CBFB: variants seen among roughly 807,000 people sequenced by gnomAD.
CBFB encodes CBF-beta.
In CBFB, 9 loss-of-function variants were observed where a neutral mutation model predicts 30.4. That is an observed-to-expected ratio of 0.30 (90% CI 0.18 to 0.52). CBFB has a LOEUF of 0.52. CBFB is among the 20% of genes least tolerant of loss of function. The probability of loss-of-function intolerance (pLI) is 0.97; values close to 1 mark genes in which losing one functional copy is unlikely to be tolerated. For synonymous variants in CBFB, 94 were observed against 84.0 expected (o/e 1.12, Z -0.65); for missense variants, 170 against 244.0 (o/e 0.70, Z 2.02).
intron 5 of CBFB, among the ~76,000 whole-genome samples, chr16:67,083,795 T>C (rs1471670380): frequency 2.6e-5 from 4 of 152,148 alleles, no homozygotes; most frequent in African/African-American, 9.7e-5. Flanking sequence ...AATTGTACTC[T>C]GCTTTAAACA....
chr16:67,066,852 C>T, intron 4 of CBFB, 54 bp downstream of exon 4: 2 of 1,045,504 alleles, frequency 1.9e-6, no homozygotes, highest in Admixed American at 1.8e-5. Context: ...CTAATCTTGC[C>T]TTTGCCTGGG....
intron 4 of CBFB, among the ~76,000 whole-genome samples, chr16:67,073,533 G>A (rs1236099572): frequency 6.6e-6 from 1 of 152,208 alleles, no homozygotes; most frequent in Non-Finnish European, 1.5e-5. Flanking sequence ...ATCACTTGAG[G>A]TCAGGAGTTC....
intron 3 of CBFB, among the ~76,000 whole-genome samples, chr16:67,066,393 C>CTAAAAAAAAA (rs1961054511): frequency 1.0e-5 from 1 of 96,082 alleles, no homozygotes; most frequent in Non-Finnish European, 1.9e-5. Flanking sequence ...ACTAAAAATA[C>CTAAAAAAAAA]AAAAAAAAAA....
At chr16:67,076,021 G>C (rs1389585227) in intron 4 of CBFB, among the ~76,000 whole-genome samples, 8 of 152,146 alleles carry the variant, frequency 5.3e-5, no homozygotes, top group Admixed American at 3.3e-4. Flanking sequence ...CACAAGGTCA[G>C]GAGTTCGAGA....
At chr16:67,046,329 G>A (rs752421614) in intron 3 of CBFB, among the ~76,000 whole-genome samples, 16 of 152,018 alleles carry the variant, frequency 1.1e-4, no homozygotes, top group Non-Finnish European at 2.1e-4. Flanking sequence ...TCAAACTCCT[G>A]GACTCAAGCA....
intron 3 of CBFB, among the ~76,000 whole-genome samples, chr16:67,056,426 C>T (rs945653945): frequency 5.3e-5 from 8 of 152,130 alleles, no homozygotes; most frequent in African/African-American, 9.7e-5. Context: ...AAGGAACCTA[C>T]GTCTGCATTT....
intron 4 of CBFB, among the ~76,000 whole-genome samples, chr16:67,078,198 C>A (rs1264079266): frequency 6.6e-6 from 1 of 152,138 alleles, no homozygotes; most frequent in African/African-American, 2.4e-5. Flanking sequence ...TCCATTTTAC[C>A]ATTTGTTAAA....
Position 67,057,710 on chromosome 16 carries a change from C to G in CBFB, c.283-8972C>G, listed in dbSNP as rs1461385510. Reference sequence around the variant, plus strand: ...TTAGTTATGTTAATTTTGTTCTAAACTATTCTTTTCCACATGGTTAGCCAG... The same window carrying G: ...TTAGTTATGTTAATTTTGTTCTAAAGTATTCTTTTCCACATGGTTAGCCAG... On this transcript the variant is annotated intron_variant, in intron 3 of 5. Coordinates refer to ENST00000412916, the MANE Select transcript of CBFB (RefSeq NM_022845.3). Among the ~76,000 whole-genome samples the G allele has an allele frequency of 2.6e-5, 4 of 151,952 alleles. No homozygotes were observed. The South Asian group carries it at 8.3e-4, about 32-fold the overall frequency.
chr16:67,066,433 G>C (rs979011964), intron 3 of CBFB, among the ~76,000 whole-genome samples: 2 of 147,842 alleles, frequency 1.4e-5, no homozygotes, highest in Non-Finnish European at 3.0e-5. Flanking sequence ...GATGGTGAGC[G>C]CCTGTAATCC....
In CBFB at chr16:67,092,698, C is replaced by CTTTTTTTTTTTTTTTTTTTTTTTTT. The variant is rs777213321; in HGVS notation, c.496-6004_496-5980dup. ...CCAGGCTAGGTTACAGTGGTGCAAT[C>CTTTTTTTTTTTTTTTTTTTTTTTTT]TTTTTTTTTTTTTTTTTTTTTTTTT... is the stretch of plus-strand genomic sequence containing the variant. On this transcript the variant is annotated intron_variant, in intron 5 of 5. Coordinates refer to ENST00000412916, the MANE Select transcript of CBFB (RefSeq NM_022845.3). Among the ~76,000 whole-genome samples the CTTTTTTTTTTTTTTTTTTTTTTTTT allele has an allele frequency of 9.0e-5, 3 of 33,492 alleles. 1 individual carries two copies. Among genetic ancestry groups the CTTTTTTTTTTTTTTTTTTTTTTTTT allele is most frequent in the African/African-American group, 3.5e-4 (3 of 8,688 alleles). 22.0% of individuals were successfully genotyped at this position (33,492 alleles called of 152,430 possible). A position where few individuals can be genotyped will look rare whatever the true frequency, so the allele number is the denominator to read the frequency against.
At chr16:67,089,505 CAG>C (rs1354174444) in intron 5 of CBFB, among the ~76,000 whole-genome samples, 1 of 152,076 alleles carries the variant, frequency 6.6e-6, no homozygotes, top group South Asian at 2.1e-4. Context: ...ATAATGAAAA[CAG>C]AAGATTCTAG....
At chr16:67,044,906 A>G (rs1966595819) in intron 3 of CBFB, among the ~76,000 whole-genome samples, 1 of 152,234 alleles carries the variant, frequency 6.6e-6, no homozygotes, top group East Asian at 1.9e-4. Context: ...AAGAGAAATT[A>G]GACAACTTTA....
At chr16:67,063,369 C>T (rs1268965572) in intron 3 of CBFB, among the ~76,000 whole-genome samples, 1 of 152,128 alleles carries the variant, frequency 6.6e-6, no homozygotes, top group Non-Finnish European at 1.5e-5. Flanking sequence ...TATTGCAGCC[C>T]TTAGCAGAAA....
At chr16:67,078,768 G>C (rs914007816) in intron 4 of CBFB, among the ~76,000 whole-genome samples, 1 of 152,130 alleles carries the variant, frequency 6.6e-6, no homozygotes, top group African/African-American at 2.4e-5. Flanking sequence ...TTCTGCCTCA[G>C]CCTCCCGAGT....
rs1962164260 is a variant in CBFB, at chr16:67,099,783, A to G, written c.*1005A>G. ...ACAGCATATTAAACTGGAGACAGTG[A>G]TGAATCAGCTACAAAGGTAATATTG... On this transcript the variant is annotated 3_prime_UTR_variant, in exon 6 of 6. Transcript: ENST00000412916. 1 of 209,156 alleles carries G rather than the reference A, an allele frequency of 4.8e-6. No individual in the cohort carries two copies. The highest frequency in any genetic ancestry group is 7.3e-5 in the East Asian group (1 of 13,774). The allele number at this position is 209,156 out of a possible 1,614,324, so 13.0% of individuals were successfully genotyped here. A position where few individuals can be genotyped will look rare whatever the true frequency, so the allele number is the denominator to read the frequency against.
intron 1 of CBFB, 107 bp downstream of exon 1, chr16:67,029,592 C>A: frequency 1.5e-6 from 2 of 1,323,676 alleles, no homozygotes; most frequent in Non-Finnish European, 2.1e-6. Flanking sequence ...TCGGTGCGCC[C>A]GCGGAGGGGC....
At chr16:67,072,501 C>G (rs1421076240) in intron 4 of CBFB, among the ~76,000 whole-genome samples, 1 of 150,742 alleles carries the variant, frequency 6.6e-6, no homozygotes, top group Non-Finnish European at 1.5e-5. Flanking sequence ...GAGTCTTGCT[C>G]TCTCACCCCG....
intron 3 of CBFB, among the ~76,000 whole-genome samples, chr16:67,057,999 A>G (rs970663677): frequency 1.3e-5 from 2 of 152,352 alleles, no homozygotes; most frequent in African/African-American, 4.8e-5. Flanking sequence ...TAGACTTCCC[A>G]AATTCTAAAA....
intron 3 of CBFB, among the ~76,000 whole-genome samples, chr16:67,056,153 T>C (rs1007462329): frequency 1.3e-5 from 2 of 152,230 alleles, no homozygotes; most frequent in African/African-American, 4.8e-5. Flanking sequence ...TTGTGCTTTT[T>C]GTTGGTGATT....
Sources: allele counts gnomAD v4.1 joint callset (sites outside exome capture counted in the v4.1 genomes callset), GRCh38; gene constraint gnomAD v4.1.1; transcripts MANE v1.5; gene names NCBI Gene and HGNC (gene_info 2026-07-23, HGNC 2026-07-21).